The following ARPP21 variants were observed in gnomAD, a reference collection of about 807,000 sequenced individuals.
ARPP21 encodes the protein cAMP-regulated phosphoprotein 21.
In ARPP21, 69 loss-of-function variants were observed where a neutral mutation model predicts 113.2. That is an observed-to-expected ratio of 0.61 (90% CI 0.50 to 0.74). The LOEUF (loss-of-function observed/expected upper bound fraction) is 0.74. Among genes scored for constraint, ARPP21 ranks in the 30% least tolerant of loss-of-function variants. The pLI, the probability that ARPP21 is intolerant of heterozygous loss-of-function variation, is 0.00. For missense variants in ARPP21, 1,070 were observed against 1,037.4 expected (o/e 1.03, Z -0.43); for synonymous variants, 368 against 375.5 (o/e 0.98, Z 0.23).
chr3:35,661,179 G>A (rs981949087), intron 1 of ARPP21, among the ~76,000 whole-genome samples: 3 of 152,232 alleles, frequency 2.0e-5, no homozygotes, highest in South Asian at 2.1e-4. Context: ...CCAGGAGAGC[G>A]AGTGCTTTAC....
intron 1 of ARPP21, among the ~76,000 whole-genome samples, chr3:35,667,880 G>A (rs1430919207): frequency 7.3e-6 from 1 of 136,810 alleles, no homozygotes; most frequent in African/African-American, 3.2e-5. Context: ...AGAAGAAGAA[G>A]AAGAAGAAGA....
intron 19 of ARPP21, among the ~76,000 whole-genome samples, chr3:35,752,424 T>A (rs770822407): frequency 6.6e-6 from 1 of 152,070 alleles, no homozygotes; most frequent in Non-Finnish European, 1.5e-5. Flanking sequence ...CCAGTTTTTG[T>A]TTCCCTCTGG....
At position 35,721,595 on chromosome 3, in the gene ARPP21, C is replaced by T. The variant is rs775794473; in HGVS notation, c.996-10C>T. The T allele has an allele frequency of 1.2e-5, 18 of 1,515,724 alleles. No homozygotes were observed. Among genetic ancestry groups the T allele is most frequent in the South Asian group, 4.5e-5 (4 of 88,420 alleles). The allele number at this position is 1,515,724 out of a possible 1,614,324, so 93.9% of individuals were successfully genotyped here. A position where few individuals can be genotyped will look rare whatever the true frequency, so the allele number is the denominator to read the frequency against. On this transcript the variant is annotated splice_polypyrimidine_tract_variant and intron_variant, in intron 13 of 20. Coordinates refer to ENST00000684406, the MANE Select transcript of ARPP21 (RefSeq NM_001385562.1). ...TGTCCCTGTGCATCTTTCTGGTGGT[C>T]GTACTCCAGGGGCAACAGAGATGGC...
chr3:35,678,321 A>G (rs1253215755), intron 1 of ARPP21, among the ~76,000 whole-genome samples: 1 of 151,968 alleles, frequency 6.6e-6, no homozygotes, highest in East Asian at 1.9e-4. Flanking sequence ...AAAGTACAAC[A>G]GAATCCAGAA....
intron 19 of ARPP21, among the ~76,000 whole-genome samples, chr3:35,776,282 C>T (rs1017140436): frequency 1.3e-5 from 2 of 152,042 alleles, no homozygotes; most frequent in Admixed American, 6.6e-5. Flanking sequence ...AAAAAATTTA[C>T]AAAATGGTTA....
chr3:35,708,233 G>C (rs1023092816), intron 10 of ARPP21, among the ~76,000 whole-genome samples: 1 of 152,124 alleles, frequency 6.6e-6, no homozygotes, highest in Non-Finnish European at 1.5e-5. Context: ...GTGAGGAATG[G>C]AAAGAATAGA....
intron 19 of ARPP21, chr3:35,744,337 A>C: frequency 2.8e-6 from 1 of 362,902 alleles, no homozygotes; most frequent in South Asian, 2.1e-5. Context: ...GAACCAAATT[A>C]GGTTGTTTCA....
chr3:35,718,332 T>A (rs965065159), intron 13 of ARPP21, among the ~76,000 whole-genome samples: 5 of 152,198 alleles, frequency 3.3e-5, no homozygotes, highest in South Asian at 2.1e-4. Flanking sequence ...GTCTTCCTTA[T>A]GTATCATTAG....
chr3:35,688,662 G>A (rs561603412), intron 6 of ARPP21, among the ~76,000 whole-genome samples: 1 of 151,680 alleles, frequency 6.6e-6, no homozygotes, highest in Non-Finnish European at 1.5e-5. Flanking sequence ...GCCTCTAACA[G>A]TTATGTGTTC....
intron 19 of ARPP21, among the ~76,000 whole-genome samples, chr3:35,752,672 T>A (rs13086749): frequency 0.23 from 35,697 of 151,988 alleles, 4,384 homozygotes; most frequent in Non-Finnish European, 0.26. Context: ...CTCTGGAGTG[T>A]CTTGAGATTC....
At chr3:35,684,078 T>C in intron 5 of ARPP21, 1 of 1,587,190 alleles carries the variant, frequency 6.3e-7, no homozygotes, top group Non-Finnish European at 8.6e-7. Flanking sequence ...AAAAGTTAAA[T>C]AAAAAGTAGG....
At chr3:35,653,441 G>A (rs908117051) in intron 1 of ARPP21, among the ~76,000 whole-genome samples, 3 of 152,002 alleles carry the variant, frequency 2.0e-5, no homozygotes, top group Non-Finnish European at 2.9e-5. Context: ...AGAAGGCCAT[G>A]GAAATTAATT....
chr3:35,721,711 G>A lies in ARPP21; in HGVS notation c.1102G>A (p.Asp368Asn), dbSNP rs756938482. 5.6e-6 allele frequency: 9 copies of A among 1,613,786 alleles called. No homozygotes were observed. Among genetic ancestry groups the A allele is most frequent in the Middle Eastern group, 1.6e-4 (1 of 6,084 alleles). The part of the protein sequence containing the change: ...HQRAWSSTDS[D>N]SSNRNLKPAM... ...AAGGGCCTGGAGCAGCACAGACTCC[G>A]ACAGTTCCAACCGCAATCTAAAGCC... Residue 368 changes from aspartate (D) to asparagine (N), a missense_variant, in exon 14 of 21, where the codon GAC (aspartate) becomes AAC (asparagine). Physicochemically the swap from Asp to Asn is conservative, Grantham distance 23 (BLOSUM62 1). Transcript: ENST00000684406.
At chr3:35,650,618 G>A (rs1319382153) in intron 1 of ARPP21, 1 of 152,000 alleles carries the variant, frequency 6.6e-6, no homozygotes, top group Non-Finnish European at 1.5e-5. Flanking sequence ...AACAAACATG[G>A]AAGAGTGAGC....
rs151024767 is a variant in ARPP21 at position 35,689,339 on chromosome 3, A to G, written c.439A>G (p.Ile147Val). The G allele has an allele frequency of 5.7e-6, 9 of 1,586,306 alleles. No homozygotes were observed. Among genetic ancestry groups the G allele is most frequent in the East Asian group, 4.5e-5 (2 of 44,636 alleles). Reference protein sequence around the residue: ...CSQEYTDSTGIDLHEFLINTL... With the variant: ...CSQEYTDSTGVDLHEFLINTL... ...CCAAGAATACACGGATTCTACAGGC[A>G]TAGACTTACACGAGTTTCTGATTAA... Residue 147 changes from isoleucine to valine, a missense_variant, in exon 7 of 21, where the codon ATA becomes GTA. Physicochemically the swap from Ile to Val is conservative, Grantham distance 29. Transcript: ENST00000684406.
At chr3:35,717,233 T>C in intron 12 of ARPP21, 65 bp from the exon 13 acceptor site, 1 of 892,026 alleles carries the variant, frequency 1.1e-6, no homozygotes, top group Admixed American at 1.7e-5. Flanking sequence ...TACACATCCA[T>C]GTAAACACAA....
rs571651352 is a variant in ARPP21 at position 35,757,789 on chromosome 3, T to C, written c.2137+13824T>C. ...TAGATTTAAACATGTATTGTGATCA[T>C]AGAGTATCGCAATTTCTTATTTATT... On this transcript the variant is annotated intron_variant, in intron 19 of 20. Coordinates refer to ENST00000684406, the MANE Select transcript of ARPP21 (RefSeq NM_001385562.1). Among the ~76,000 whole-genome samples, 3 of 152,244 alleles carry C rather than the reference T, an allele frequency of 2.0e-5. No homozygotes were observed. The East Asian group carries it at 5.8e-4, about 29-fold the overall frequency.
intron 1 of ARPP21, among the ~76,000 whole-genome samples, chr3:35,653,541 C>T (rs1328080623): frequency 1.3e-5 from 2 of 152,022 alleles, no homozygotes; most frequent in Admixed American, 6.6e-5. Context: ...AATGATGCCA[C>T]GGACTATCAG....
At chr3:35,689,617 G>A (rs1174815007) in intron 7 of ARPP21, among the ~76,000 whole-genome samples, 7 of 151,406 alleles carry the variant, frequency 4.6e-5, no homozygotes, top group Non-Finnish European at 8.9e-5. Context: ...TAACAGTTCT[G>A]CTTTTCAGAT....
Sources: allele counts gnomAD v4.1 joint callset (sites outside exome capture counted in the v4.1 genomes callset), GRCh38; gene constraint gnomAD v4.1.1; transcripts MANE v1.5; gene names NCBI Gene and HGNC (gene_info 2026-07-23, HGNC 2026-07-21).